The following CCNT2 variants were observed in gnomAD, a reference collection of about 807,000 sequenced individuals.
CCNT2 encodes cyclin T2, also known as cyclin-T2.
Under a neutral mutation model 70.0 loss-of-function variants are expected in CCNT2, and 18 were observed. That is an observed-to-expected ratio of 0.26 (90% CI 0.18 to 0.38). CCNT2 has a LOEUF of 0.38. Ranked by LOEUF, CCNT2 falls within the 10% of genes least tolerant of loss-of-function variation. The pLI is 1.00. For missense variants in CCNT2, 734 were observed against 890.2 expected (o/e 0.82, Z 2.23); for synonymous variants, 334 against 313.3 (o/e 1.07, Z -0.70).
intron 2 of CCNT2, among the ~76,000 whole-genome samples, chr2:134,926,094 G>A (rs1680280597): frequency 1.3e-5 from 2 of 151,852 alleles, no homozygotes; most frequent in Admixed American, 1.3e-4. Flanking sequence ...TTAAACCCCT[G>A]GACTCAAGCA....
At chr2:134,934,185 T>G (rs933965080) in intron 2 of CCNT2, among the ~76,000 whole-genome samples, 1 of 152,222 alleles carries the variant, frequency 6.6e-6, no homozygotes, top group African/African-American at 2.4e-5. Context: ...TAAACACTAT[T>G]CGCATCAACT....
chr2:134,922,217 C>T (rs1048633998), intron 2 of CCNT2, among the ~76,000 whole-genome samples: 10 of 152,052 alleles, frequency 6.6e-5, no homozygotes, highest in African/African-American at 2.2e-4. Context: ...AACTGAACAC[C>T]GTTCAGCAAA....
chr2:134,945,860 A>G, intron 5 of CCNT2: 2 of 1,491,014 alleles, frequency 1.3e-6, no homozygotes, highest in Non-Finnish European at 1.8e-6. Flanking sequence ...GTAACTGGCT[A>G]GCTAAAAGCA....
intron 4 of CCNT2, 139 bp downstream of exon 4, chr2:134,939,201 G>C: frequency 1.7e-6 from 1 of 592,104 alleles, no homozygotes; most frequent in Non-Finnish European, 3.0e-6. Context: ...AGGTTGCCTG[G>C]TTATAAGGAA....
chr2:134,946,302 A>G (rs1478131960), intron 6 of CCNT2, 156 bp downstream of exon 6: 1 of 1,207,664 alleles, frequency 8.3e-7, no homozygotes, highest in Non-Finnish European at 1.1e-6. Context: ...TGTATTGTAC[A>G]AGGGACTTTG....
chr2:134,938,987 AT>A lies in CCNT2; in HGVS notation c.370-10del. On this transcript the variant is annotated splice_polypyrimidine_tract_variant and intron_variant, in intron 3 of 8. Transcript: ENST00000264157. ...TTTTTATTTTAATCAATTTGATAAT[AT>A]TTTTATCTGACAGGCTTACCTTCAA... 1.3e-6 allele frequency: 2 copies of A among 1,561,210 alleles called. No individual in the cohort carries two copies. Among genetic ancestry groups the A allele is most frequent in the South Asian group, 1.1e-5 (1 of 89,292 alleles).
At position 134,918,982 on chromosome 2, in the gene CCNT2, TCATCCAGGAGA is replaced by T; in HGVS notation, c.129_139del (p.Ile44GlyfsTer54). 6.2e-7 allele frequency: 1 copy of T among 1,613,292 alleles called. No homozygotes were observed. The highest frequency in any genetic ancestry group is 8.5e-7 in the Non-Finnish European group (1 of 1,179,844). On this transcript the variant is annotated frameshift_variant, in exon 1 of 9. Transcript: ENST00000264157. LOFTEE classifies it high-confidence loss of function. ...TCGTGCCGCCAGCAGGCGGCCAACC[TCATCCAGGAGA>T]TGGGACAGCGTCTCAATGTGTATCC...
intron 6 of CCNT2, 80 bp from the exon 7 acceptor site, chr2:134,947,656 A>C: frequency 8.9e-7 from 1 of 1,120,692 alleles, no homozygotes; most frequent in Non-Finnish European, 1.2e-6. Flanking sequence ...TTTTGCTCTA[A>C]TCTTACTGGT....
At chr2:134,944,499 T>G in intron 5 of CCNT2, 1 of 965,170 alleles carries the variant, frequency 1.0e-6, no homozygotes, top group Non-Finnish European at 1.2e-6. Context: ...AACTAAAAAT[T>G]CTAGAGACAT....
chr2:134,945,885 T>C, intron 5 of CCNT2: 1 of 1,514,496 alleles, frequency 6.6e-7, no homozygotes, highest in Non-Finnish European at 8.8e-7. Flanking sequence ...GGCTTGTTTC[T>C]CAGATCTTTG....
chr2:134,941,966 A>G (rs1384762505), intron 4 of CCNT2, among the ~76,000 whole-genome samples: 1 of 152,240 alleles, frequency 6.6e-6, no homozygotes, highest in Non-Finnish European at 1.5e-5. Context: ...AAGACAACCA[A>G]ATGTGATCTT....
At chr2:134,937,008 T>A (rs1226900735) in intron 3 of CCNT2, 39 bp downstream of exon 3, 4 of 1,506,024 alleles carry the variant, frequency 2.7e-6, no homozygotes, top group Non-Finnish European at 1.8e-6. Context: ...CTTTGTAAAT[T>A]TGAAACTTTT....
At chr2:134,926,612 C>T (rs1680320098) in intron 2 of CCNT2, among the ~76,000 whole-genome samples, 1 of 152,228 alleles carries the variant, frequency 6.6e-6, no homozygotes, top group Admixed American at 6.5e-5. Context: ...CTCACATTGG[C>T]CTGCCATGAT....
At chr2:134,949,604 G>C (rs560101147) in intron 7 of CCNT2, among the ~76,000 whole-genome samples, 1 of 152,278 alleles carries the variant, frequency 6.6e-6, no homozygotes, top group Non-Finnish European at 1.5e-5. Flanking sequence ...ATTGCTGCAT[G>C]ATTATAATGT....
chr2:134,936,796 A>T (rs774451442), intron 2 of CCNT2, 45 bp from the exon 3 acceptor site: 5 of 1,528,254 alleles, frequency 3.3e-6, no homozygotes, highest in South Asian at 1.2e-5. Context: ...GGGTTTTTTG[A>T]AATGTATTTG....
intron 2 of CCNT2, among the ~76,000 whole-genome samples, chr2:134,925,055 T>C (rs1680183352): frequency 6.6e-6 from 1 of 152,202 alleles, no homozygotes; most frequent in African/African-American, 2.4e-5. Flanking sequence ...TTAATCAGAC[T>C]CCTGTTAGAT....
In CCNT2 at chr2:134,954,654, T is replaced by G; in HGVS notation, c.*6T>G. The G allele has an allele frequency of 1.3e-6, 2 of 1,554,692 alleles. No individual in the cohort carries two copies. Among genetic ancestry groups the G allele is most frequent in the Middle Eastern group, 1.7e-4 (1 of 5,862 alleles). The stretch of plus-strand genomic sequence containing the variant: ...CCCAAGGAATGAACATGTAATAATT[T>G]GTTTAGGTCAATTTTTCCTTTACTT... On this transcript the variant is annotated 3_prime_UTR_variant, in exon 9 of 9. Transcript: ENST00000264157.
chr2:134,938,300 C>T (rs895591184), intron 3 of CCNT2, among the ~76,000 whole-genome samples: 16 of 152,098 alleles, frequency 1.1e-4, no homozygotes, highest in Admixed American at 4.6e-4. Flanking sequence ...TATGTCCTTA[C>T]AAAAATGAAT....
In CCNT2 at chr2:134,956,547, T is replaced by C. The variant is rs1177053026; in HGVS notation, c.*1899T>C. 6.6e-6 allele frequency: 1 copy of C among 152,502 alleles called. No individual in the cohort carries two copies. Among genetic ancestry groups the C allele is most frequent in the Non-Finnish European group, 1.5e-5 (1 of 67,998 alleles). 9.4% of individuals were successfully genotyped at this position (152,502 alleles called of 1,614,324 possible). A position where few individuals can be genotyped will look rare whatever the true frequency, so the allele number is the denominator to read the frequency against. On this transcript the variant is annotated 3_prime_UTR_variant, in exon 9 of 9. Transcript: ENST00000264157. ...CATAATCCAAGGACTAGTATAGAATTAAGCTGAGTGCAAGATGAGGGAGGG... is the reference window on the plus strand; with the variant it reads ...CATAATCCAAGGACTAGTATAGAATCAAGCTGAGTGCAAGATGAGGGAGGG...
Sources: allele counts gnomAD v4.1 joint callset (sites outside exome capture counted in the v4.1 genomes callset), GRCh38; gene constraint gnomAD v4.1.1; transcripts MANE v1.5; gene names NCBI Gene and HGNC (gene_info 2026-07-23, HGNC 2026-07-21).